Variants in HCN1 observed in about 807,000 individuals in gnomAD.
HCN1 encodes potassium/sodium hyperpolarization-activated cyclic nucleotide-gated channel 1.
HCN1 carries 13 observed loss-of-function variants against 78.9 expected under a neutral mutation model. The ratio of observed to expected loss-of-function variants is 0.16; its 90% CI spans 0.11 to 0.26. The LOEUF (loss-of-function observed/expected upper bound fraction) is 0.26, where lower values mean the gene tolerates loss of function less well. Among genes scored for constraint, HCN1 ranks in the 10% least tolerant of loss-of-function variants. The probability of loss-of-function intolerance (pLI) is 1.00; values close to 1 mark genes in which losing one functional copy is unlikely to be tolerated. For synonymous variants in HCN1, 552 were observed against 455.5 expected (o/e 1.21, Z -2.70); for missense variants, 810 against 1,154.3 (o/e 0.70, Z 4.32).
At chr5:45,562,632 C>A (rs1279118412) in intron 2 of HCN1, among the ~76,000 whole-genome samples, 1 of 152,096 alleles carries the variant, frequency 6.6e-6, no homozygotes, top group East Asian at 1.9e-4. Context: ...AAATAACAGG[C>A]ACAAAGGTAA....
chr5:45,694,939 G>C (rs955230386), intron 1 of HCN1: 1 of 152,156 alleles, frequency 6.6e-6, no homozygotes, highest in Non-Finnish European at 1.5e-5. Flanking sequence ...TCAAGAAAGG[G>C]TGCCGCTCTA....
At chr5:45,512,599 T>C (rs542294403) in intron 2 of HCN1, among the ~76,000 whole-genome samples, 1 of 152,244 alleles carries the variant, frequency 6.6e-6, no homozygotes, top group South Asian at 2.1e-4. Context: ...TGAATATTTT[T>C]ATTTATTTAT....
At chr5:45,467,220 G>A (rs113518375) in intron 2 of HCN1, among the ~76,000 whole-genome samples, 14 of 152,030 alleles carry the variant, frequency 9.2e-5, no homozygotes, top group African/African-American at 2.4e-4. Context: ...CCCCAAAGAC[G>A]CAACTTCTCT....
chr5:45,664,661 A>G (rs13184283), intron 1 of HCN1, among the ~76,000 whole-genome samples: 23 of 152,034 alleles, frequency 1.5e-4, no homozygotes, highest in African/African-American at 5.6e-4. Flanking sequence ...CACTTCTCAA[A>G]AGAAGACATT....
intron 2 of HCN1, among the ~76,000 whole-genome samples, chr5:45,530,678 A>C (rs1444492833): frequency 6.6e-6 from 1 of 152,152 alleles, no homozygotes; most frequent in Non-Finnish European, 1.5e-5. Context: ...ACCTTTCAAA[A>C]TAACAAAGTT....
chr5:45,649,781 T>C (rs1364435150), intron 1 of HCN1, among the ~76,000 whole-genome samples: 1 of 152,110 alleles, frequency 6.6e-6, no homozygotes, highest in African/African-American at 2.4e-5. Flanking sequence ...TATTTATTAA[T>C]TGGATTTTTA....
Position 45,312,511 on chromosome 5 carries a change from C to T in HCN1, c.1378-8672G>A, listed in dbSNP as rs149386568. ...GTTCATCTCACTAGCACTTGTCAGA[C>T]AGTGGGTGCAGGACAGTGGGTGCAG... On this transcript the variant is annotated intron_variant, in intron 5 of 7. Coordinates refer to ENST00000303230, the MANE Select transcript of HCN1 (RefSeq NM_021072.4). 7.2e-3 allele frequency among the ~76,000 whole-genome samples: 1,099 copies of T among 152,276 alleles called. 6 individuals carry two copies. Among genetic ancestry groups the T allele is most frequent in the African/African-American group, 0.012 (498 of 41,562 alleles).
Position 45,262,090 on chromosome 5 carries a change from A to G in HCN1, c.2504T>C (p.Val835Ala). The change falls in exon 8 of 8, where the codon GTC (valine) becomes GCC (alanine). Residue 835 changes from valine to alanine, a missense_variant. Physicochemically the swap from Val to Ala is moderately conservative, Grantham distance 64. Coordinates refer to ENST00000303230, the MANE Select transcript of HCN1 (RefSeq NM_021072.4). ...TGLQAGGRST[V>A]PQRVTLFRQM... is the part of the protein sequence containing the mutation. ...TCGGAAGAGGGTGACGCGCTGCGGG[A>G]CAGTGCTCCTGCCCCCTGCCTGAAG... is the stretch of plus-strand genomic sequence containing the variant. 6.2e-7 allele frequency: 1 copy of G among 1,613,114 alleles called. No individual in the cohort carries two copies.
intron 2 of HCN1, among the ~76,000 whole-genome samples, chr5:45,635,926 T>C (rs1745350390): frequency 6.6e-6 from 1 of 152,178 alleles, no homozygotes; most frequent in African/African-American, 2.4e-5. Context: ...CATAATCTTG[T>C]TTTCCAAATT....
chr5:45,586,736 T>C (rs1000298584), intron 2 of HCN1, among the ~76,000 whole-genome samples: 3 of 152,134 alleles, frequency 2.0e-5, no homozygotes, highest in Admixed American at 2.0e-4. Flanking sequence ...AAAATGAATA[T>C]ACAAGCCTAG....
intron 4 of HCN1, among the ~76,000 whole-genome samples, chr5:45,395,236 A>G (rs1241759847): frequency 6.6e-6 from 1 of 152,276 alleles, no homozygotes; most frequent in Admixed American, 6.5e-5. Context: ...TAAGAGAAAC[A>G]TCAGATTTAA....
intron 3 of HCN1, among the ~76,000 whole-genome samples, chr5:45,426,287 T>G (rs894540589): frequency 2.0e-5 from 3 of 152,190 alleles, no homozygotes; most frequent in Non-Finnish European, 2.9e-5. Context: ...CTAATGTGAA[T>G]GGTTAGTCAT....
intron 4 of HCN1, among the ~76,000 whole-genome samples, chr5:45,391,082 TA>T (rs754414312): frequency 0.054 from 8,172 of 152,128 alleles, 763 homozygotes; most frequent in African/African-American, 0.19. Context: ...TGTAGCCTAA[TA>T]AAAAATTTTT....
intron 2 of HCN1, among the ~76,000 whole-genome samples, chr5:45,487,961 T>C (rs1258997485): frequency 2.0e-5 from 3 of 152,144 alleles, no homozygotes; most frequent in Non-Finnish European, 4.4e-5. Flanking sequence ...TTCATACTTA[T>C]GAGAAGTTGA....
chr5:45,455,610 T>G (rs951455353), intron 3 of HCN1, among the ~76,000 whole-genome samples: 3 of 151,950 alleles, frequency 2.0e-5, no homozygotes, highest in Non-Finnish European at 4.4e-5. Flanking sequence ...GTGACTTGCA[T>G]AAAATCAGCA....
intron 4 of HCN1, among the ~76,000 whole-genome samples, chr5:45,369,858 C>T (rs1188158663): frequency 2.0e-5 from 3 of 151,942 alleles, no homozygotes; most frequent in African/African-American, 7.2e-5. Context: ...AAATAAGATA[C>T]CTAAGAGATA....
rs374770620 is a variant in HCN1, at chr5:45,645,435, T to C, written c.599A>G (p.Asn200Ser). The C allele has an allele frequency of 2.9e-5, 46 of 1,613,352 alleles. No individual in the cohort carries two copies. The highest frequency in any genetic ancestry group is 3.4e-5 in the Non-Finnish European group (40 of 1,179,552). ...CAGGATGATTTCAGAACTGTCTTCA[T>C]TGACAGTCCCAGTCCTAAAATTCAT... ...LIMNFRTGTV[N>S]EDSSEIILDP... Residue 200 changes from asparagine (N) to serine (S), a missense_variant, in exon 2 of 8, where the codon AAT becomes AGT. Coordinates refer to ENST00000303230, the MANE Select transcript of HCN1 (RefSeq NM_021072.4).
intron 2 of HCN1, among the ~76,000 whole-genome samples, chr5:45,615,691 A>T (rs1744935901): frequency 6.6e-6 from 1 of 152,040 alleles, no homozygotes; most frequent in African/African-American, 2.4e-5. Flanking sequence ...TCTCAAAATC[A>T]TGAAACTAAC....
chr5:45,313,402 C>A (rs1745902367), intron 5 of HCN1, among the ~76,000 whole-genome samples: 1 of 152,098 alleles, frequency 6.6e-6, no homozygotes, highest in African/African-American at 2.4e-5. Context: ...TAGATAAAAC[C>A]ACAAAGGTGG....
Sources: gnomAD v4.1 joint callset for allele counts (sites outside exome capture counted in the v4.1 genomes callset) on GRCh38, gnomAD v4.1.1 for gene constraint, MANE v1.5 for transcripts, NCBI Gene and HGNC (gene_info 2026-07-23, HGNC 2026-07-21) for gene names.